Variants in LMO4 observed in about 807,000 individuals in gnomAD.
LMO4 encodes the protein LIM domain transcription factor LMO4.
LMO4 carries 3 observed loss-of-function variants against 18.5 expected under a neutral mutation model. The ratio of observed to expected loss-of-function variants is 0.16; its 90% CI spans 0.07 to 0.42. The LOEUF is 0.42. LMO4 is among the 10% of genes least tolerant of loss of function. LMO4 has a pLI of 0.99. For synonymous variants in LMO4, 100 were observed against 88.1 expected (o/e 1.14, Z -0.76); for missense variants, 121 against 219.9 (o/e 0.55, Z 2.84).
intron 2 of LMO4, among the ~76,000 whole-genome samples, chr1:87,335,037 A>AG (rs143075026): frequency 0.054 from 4,328 of 80,126 alleles, 71 homozygotes; most frequent in Middle Eastern, 0.077. Flanking sequence ...GAAAGAATGA[A>AG]GGGGGGGGGG....
At chr1:87,331,109 T>C (rs1650131984) in intron 1 of LMO4, 1 of 118,142 alleles carries the variant, frequency 8.5e-6, no homozygotes, top group African/African-American at 3.3e-5. Context: ...CTTTAGCATT[T>C]AAATTGCTGA....
chr1:87,340,271 AAG>A, intron 4 of LMO4, 69 bp downstream of exon 4: 1 of 1,476,882 alleles, frequency 6.8e-7, no homozygotes, highest in Non-Finnish European at 9.3e-7. Flanking sequence ...TTAACCTAGC[AAG>A]AGAGTTTTCT....
intron 1 of LMO4, chr1:87,331,767 C>A: frequency 1.9e-6 from 1 of 518,944 alleles, no homozygotes; most frequent in Non-Finnish European, 3.4e-6. Context: ...GCGGCAAGCG[C>A]AGGAAAGTTG....
rs373024833 is a variant in LMO4, at chr1:87,332,228, C to A, written c.213C>A (p.Ile71=). Residue 71 remains isoleucine (I), a synonymous_variant, in exon 2 of 5, where the codon ATC becomes ATA. Transcript: ENST00000370544. ...CCTGTTACACCAAAAGTGGCATGATCCTTTGCAGAAATGACTACATTAGGT... is the reference window on the plus strand; with the variant it reads ...CCTGTTACACCAAAAGTGGCATGATACTTTGCAGAAATGACTACATTAGGT... ...GTSCYTKSGM[I]LCRNDYIRLF... is the part of the protein sequence containing the mutation. The A allele has an allele frequency of 1.2e-6, 2 of 1,613,886 alleles. No homozygotes were observed. The highest frequency in any genetic ancestry group is 1.7e-5 in the Admixed American group (1 of 60,002).
At chr1:87,331,694 G>C (rs1490077270) in intron 1 of LMO4, 1 of 359,798 alleles carries the variant, frequency 2.8e-6, no homozygotes, top group Non-Finnish European at 5.0e-6. Context: ...GCCGCGAGGG[G>C]TGGAGCGCGC....
chr1:87,342,929 T>C (rs1010156655), intron 4 of LMO4, among the ~76,000 whole-genome samples: 4 of 152,112 alleles, frequency 2.6e-5, no homozygotes, highest in Admixed American at 6.5e-5. Context: ...TGGGGAGAAA[T>C]GACAAATGGC....
In LMO4 at chr1:87,345,701, GTA is replaced by G. The variant is rs1366675160; in HGVS notation, c.*909_*910del. On this transcript the variant is annotated 3_prime_UTR_variant, in exon 5 of 5. Transcript: ENST00000370544. ...TTGAAGGAGTTGAGGGAGGTGGAGT[GTA>G]TATTTATTTAGCTCTGGGCCAGTAA... The G allele has an allele frequency of 6.6e-6, 1 of 152,148 alleles. No homozygotes were observed. Among genetic ancestry groups the G allele is most frequent in the African/African-American group, 2.4e-5 (1 of 41,440 alleles). The allele number at this position is 152,148 out of a possible 1,614,324, so 9.4% of individuals were successfully genotyped here. A position where few individuals can be genotyped will look rare whatever the true frequency, so the allele number is the denominator to read the frequency against.
chr1:87,339,929 T>C, intron 3 of LMO4, 118 bp from the exon 4 acceptor site: 2 of 1,182,500 alleles, frequency 1.7e-6, no homozygotes, highest in South Asian at 1.5e-5. Flanking sequence ...GAAAAAACGC[T>C]AAACCCTAAG....
At chr1:87,337,418 G>C (rs888431138) in intron 2 of LMO4, among the ~76,000 whole-genome samples, 5 of 152,226 alleles carry the variant, frequency 3.3e-5, no homozygotes, top group African/African-American at 7.2e-5. Context: ...TGAGTAATCA[G>C]ATGGGTACTG....
In LMO4 at chr1:87,344,898, C is replaced by T. The variant is rs1025201579; in HGVS notation, c.*102C>T. ...GACAAGTCACCTTTGTAGCTAGCAC[C>T]AGTGCCAGCTCCATGCCATTGCACC... On this transcript the variant is annotated 3_prime_UTR_variant, in exon 5 of 5. Coordinates refer to ENST00000370544, the MANE Select transcript of LMO4 (RefSeq NM_006769.4). The T allele has an allele frequency of 1.8e-6, 2 of 1,117,522 alleles. No homozygotes were observed. Among genetic ancestry groups the T allele is most frequent in the Non-Finnish European group, 2.7e-6 (2 of 731,714 alleles). 69.2% of individuals were successfully genotyped at this position (1,117,522 alleles called of 1,614,324 possible).
At position 87,347,282 on chromosome 1, in the gene LMO4, A is replaced by AT. The variant is rs1650661815; in HGVS notation, c.*2486_*2487insT. 1 of 152,182 alleles carries AT rather than the reference A, an allele frequency of 6.6e-6. No homozygotes were observed. Among genetic ancestry groups the AT allele is most frequent in the Non-Finnish European group, 1.5e-5 (1 of 68,040 alleles). 9.4% of individuals were successfully genotyped at this position (152,182 alleles called of 1,614,324 possible). A position where few individuals can be genotyped will look rare whatever the true frequency, so the allele number is the denominator to read the frequency against. On this transcript the variant is annotated 3_prime_UTR_variant, in exon 5 of 5. Coordinates refer to ENST00000370544, the MANE Select transcript of LMO4 (RefSeq NM_006769.4). ...TATGAATATACAATAGAACATATTTAAGTAGTAGTCTTGCTTTAGGTAAAA... is the reference window on the plus strand; with the variant it reads ...TATGAATATACAATAGAACATATTTATAGTAGTAGTCTTGCTTTAGGTAAAA...
intron 3 of LMO4, among the ~76,000 whole-genome samples, 174 bp downstream of exon 3, chr1:87,339,806 C>CAT (rs1650421019): frequency 2.0e-5 from 3 of 152,162 alleles, no homozygotes; most frequent in Non-Finnish European, 4.4e-5. Flanking sequence ...GCACAGACCA[C>CAT]GCTTCCCCTA....
At chr1:87,332,668 T>C (rs1650190422) in intron 2 of LMO4, among the ~76,000 whole-genome samples, 1 of 152,230 alleles carries the variant, frequency 6.6e-6, no homozygotes, top group African/African-American at 2.4e-5. Flanking sequence ...CAAGTGTAGT[T>C]AGTGAGAAAT....
intron 2 of LMO4, among the ~76,000 whole-genome samples, chr1:87,336,102 C>G (rs973846075): frequency 6.6e-6 from 1 of 152,026 alleles, no homozygotes; most frequent in African/African-American, 2.4e-5. Flanking sequence ...TGCCTGGTCT[C>G]TAGTTTTTCC....
Position 87,348,730 on chromosome 1 carries a change from G to T in LMO4, c.*3934G>T, listed in dbSNP as rs746196412. ...TACTGTTTTCAGTTGTGCAAGAAGT[G>T]CTTTATGCTAGTAGATATGTGCATG... On this transcript the variant is annotated 3_prime_UTR_variant, in exon 5 of 5. Transcript: ENST00000370544. 1 of 516,076 alleles carries T rather than the reference G, an allele frequency of 1.9e-6. No homozygotes were observed. The highest frequency in any genetic ancestry group is 5.5e-5 in the East Asian group (1 of 18,288). The allele number at this position is 516,076 out of a possible 1,614,324, so 32.0% of individuals were successfully genotyped here. A position where few individuals can be genotyped will look rare whatever the true frequency, so the allele number is the denominator to read the frequency against.
intron 1 of LMO4, among the ~76,000 whole-genome samples, chr1:87,330,238 TG>T (rs997874239): frequency 6.6e-6 from 1 of 151,984 alleles, no homozygotes; most frequent in African/African-American, 2.4e-5. Context: ...TCACTAAAGA[TG>T]GGGGCGGGGA....
At chr1:87,340,020 T>G (rs775663100) in intron 3 of LMO4, 27 bp from the exon 4 acceptor site, 1 of 1,605,102 alleles carries the variant, frequency 6.2e-7, no homozygotes, top group Admixed American at 1.7e-5. Flanking sequence ...TTACCTTGTT[T>G]TCAGTGGGTT....
At position 87,344,839 on chromosome 1, in the gene LMO4, G is replaced by A; in HGVS notation, c.*43G>A. 6.2e-7 allele frequency: 1 copy of A among 1,607,876 alleles called. No individual in the cohort carries two copies. The highest frequency in any genetic ancestry group is 8.5e-7 in the Non-Finnish European group (1 of 1,174,592). ...GAATGCGTGCCTTCATCTCAGATTT[G>A]TTCATCACAGGTGGATCCCATGTGT... On this transcript the variant is annotated 3_prime_UTR_variant, in exon 5 of 5. Coordinates refer to ENST00000370544, the MANE Select transcript of LMO4 (RefSeq NM_006769.4).
Position 87,339,596 on chromosome 1 carries a change from C to G in LMO4, c.297C>G (p.Leu99=), listed in dbSNP as rs760754821. The G allele has an allele frequency of 6.2e-7, 1 of 1,613,460 alleles. No homozygotes were observed. The highest frequency in any genetic ancestry group is 2.2e-5 in the East Asian group (1 of 44,862). ...GACAGTCGATTCCTGCGAGTGAACTCGTCATGAGGGCGCAAGGCAATGTGT... is the reference window on the plus strand; with the variant it reads ...GACAGTCGATTCCTGCGAGTGAACTGGTCATGAGGGCGCAAGGCAATGTGT... ...ACGQSIPASE[L]VMRAQGNVYH... is the part of the protein sequence containing the mutation. Residue 99 remains leucine, a synonymous_variant, in exon 3 of 5, where the codon CTC becomes CTG. Transcript: ENST00000370544.
Sources: gnomAD v4.1 joint callset for allele counts (sites outside exome capture counted in the v4.1 genomes callset) on GRCh38, gnomAD v4.1.1 for gene constraint, MANE v1.5 for transcripts, NCBI Gene and HGNC (gene_info 2026-07-23, HGNC 2026-07-21) for gene names.